The following CACUL1 variants were observed in gnomAD, a reference collection of about 807,000 sequenced individuals.
CACUL1 encodes CDK2 associated cullin domain 1, also known as CDK2-associated and cullin domain-containing protein 1.
CACUL1 carries 13 observed loss-of-function variants against 45.2 expected under a neutral mutation model. The ratio of observed to expected loss-of-function variants is 0.29; its 90% confidence interval spans 0.19 to 0.46. The LOEUF (loss-of-function observed/expected upper bound fraction) is 0.46. CACUL1 is among the 20% of genes least tolerant of loss of function. The pLI, the probability that CACUL1 is intolerant of heterozygous loss-of-function variation, is 1.00. For missense variants in CACUL1, 421 were observed against 471.4 expected (o/e 0.89, Z 0.99); for synonymous variants, 197 against 174.2 (o/e 1.13, Z -1.03).
At chr10:118,730,184 T>C in intron 2 of CACUL1, 100 bp downstream of exon 2, 2 of 1,230,310 alleles carry the variant, frequency 1.6e-6, no homozygotes, top group Non-Finnish European at 2.4e-6. Context: ...CAGAGCCTCA[T>C]CTTATGCATT....
chr10:118,740,911 G>A (rs1289363936), intron 1 of CACUL1, among the ~76,000 whole-genome samples: 1 of 149,684 alleles, frequency 6.7e-6, no homozygotes, highest in Non-Finnish European at 1.5e-5. Flanking sequence ...GGGCGACAGT[G>A]TGAGATTCCA....
intron 7 of CACUL1, among the ~76,000 whole-genome samples, chr10:118,687,065 A>G (rs1299101571): frequency 6.6e-6 from 1 of 151,894 alleles, no homozygotes; most frequent in Non-Finnish European, 1.5e-5. Flanking sequence ...CTGAAACACG[A>G]TTTTTTTCTC....
intron 5 of CACUL1, among the ~76,000 whole-genome samples, chr10:118,699,061 C>T (rs1390297256): frequency 2.6e-5 from 4 of 152,186 alleles, no homozygotes; most frequent in Admixed American, 2.6e-4. Flanking sequence ...CTATACCTAT[C>T]TTATAGGGTT....
chr10:118,709,613 T>G (rs1845465463), intron 3 of CACUL1, among the ~76,000 whole-genome samples: 2 of 152,250 alleles, frequency 1.3e-5, no homozygotes, highest in South Asian at 4.1e-4. Flanking sequence ...TTATCAATCA[T>G]ATCTTACACA....
chr10:118,722,080 C>CTTTT (rs11358147), intron 3 of CACUL1, among the ~76,000 whole-genome samples: 1 of 140,518 alleles, frequency 7.1e-6, no homozygotes, highest in African/African-American at 2.6e-5. Context: ...CAGAAACAAA[C>CTTTT]TTTTTTTTTT....
At chr10:118,750,222 A>T (rs1201211150) in intron 1 of CACUL1, among the ~76,000 whole-genome samples, 2 of 152,014 alleles carry the variant, frequency 1.3e-5, no homozygotes, top group Non-Finnish European at 2.9e-5. Context: ...GCTACTCAGG[A>T]GGCTGAGGCA....
At chr10:118,690,588 T>TA (rs769080506) in intron 7 of CACUL1, among the ~76,000 whole-genome samples, 29 of 152,172 alleles carry the variant, frequency 1.9e-4, no homozygotes, top group Non-Finnish European at 5.9e-5. Flanking sequence ...AAAGGGGAAG[T>TA]ATGAAATACA....
At position 118,686,049 on chromosome 10, in the gene CACUL1, CCCCA is replaced by C. The variant is rs1207098510; in HGVS notation, c.*75_*78del. Reference sequence around the variant, plus strand: ...GACAGAGCTCCTGAGTGTGTGCAGCCCCCACTGTGCTCTGAATACAGTCTCTGCA... The same window carrying C: ...GACAGAGCTCCTGAGTGTGTGCAGCCCTGTGCTCTGAATACAGTCTCTGCA... On this transcript the variant is annotated 3_prime_UTR_variant, in exon 9 of 9. Transcript: ENST00000369151. The C allele has an allele frequency of 9.8e-7, 1 of 1,023,358 alleles. No homozygotes were observed. Among genetic ancestry groups the C allele is most frequent in the African/African-American group, 1.6e-5 (1 of 63,232 alleles). The allele number at this position is 1,023,358 out of a possible 1,614,324, so 63.4% of individuals were successfully genotyped here.
chr10:118,720,972 G>A (rs1176445313), intron 3 of CACUL1, among the ~76,000 whole-genome samples: 2 of 152,218 alleles, frequency 1.3e-5, no homozygotes, highest in South Asian at 2.1e-4. Context: ...CACATGTAAA[G>A]GGCTATTTAC....
rs1439135031 is a variant in CACUL1, at chr10:118,681,435, A to G, written c.*4693T>C. On this transcript the variant is annotated 3_prime_UTR_variant, in exon 9 of 9. Coordinates refer to ENST00000369151, the MANE Select transcript of CACUL1 (RefSeq NM_153810.5). ...GAGTGAACTGCCATCTGTTTAACAAAACGCACTCTTCTAAGAGAATACCCA... is the reference window on the plus strand; with the variant it reads ...GAGTGAACTGCCATCTGTTTAACAAGACGCACTCTTCTAAGAGAATACCCA... The G allele has an allele frequency of 2.0e-5, 3 of 152,258 alleles. No individual in the cohort carries two copies. The highest frequency in any genetic ancestry group is 4.4e-5 in the Non-Finnish European group (3 of 68,048). 9.4% of individuals were successfully genotyped at this position (152,258 alleles called of 1,614,324 possible). A position where few individuals can be genotyped will look rare whatever the true frequency, so the allele number is the denominator to read the frequency against.
intron 1 of CACUL1, among the ~76,000 whole-genome samples, chr10:118,751,564 AT>A (rs1194138630): frequency 9.9e-5 from 15 of 151,954 alleles, no homozygotes; most frequent in African/African-American, 2.2e-4. Context: ...TCCTTGGTCT[AT>A]TTTTCTGTTC....
chr10:118,699,679 C>T (rs992400925), intron 5 of CACUL1, among the ~76,000 whole-genome samples: 3 of 151,290 alleles, frequency 2.0e-5, no homozygotes, highest in Non-Finnish European at 4.4e-5. Flanking sequence ...GAGTCTTGCT[C>T]TGTCGCCCAG....
At chr10:118,731,198 C>T (rs1406715232) in intron 1 of CACUL1, among the ~76,000 whole-genome samples, 1 of 152,158 alleles carries the variant, frequency 6.6e-6, no homozygotes, top group Non-Finnish European at 1.5e-5. Context: ...CCAGAAGAAC[C>T]TGCCTATATT....
chr10:118,738,825 C>G (rs1252086808), intron 1 of CACUL1, among the ~76,000 whole-genome samples: 2 of 143,190 alleles, frequency 1.4e-5, no homozygotes, highest in Non-Finnish European at 3.0e-5. Flanking sequence ...ACTATAATTA[C>G]TATCTTCAGA....
chr10:118,699,005 A>G (rs747556871), intron 5 of CACUL1, among the ~76,000 whole-genome samples: 3 of 152,180 alleles, frequency 2.0e-5, no homozygotes, highest in Non-Finnish European at 4.4e-5. Flanking sequence ...TTAAACTTTA[A>G]CCTCTCTTTG....
At chr10:118,749,370 T>A (rs1234394806) in intron 1 of CACUL1, among the ~76,000 whole-genome samples, 1 of 152,202 alleles carries the variant, frequency 6.6e-6, no homozygotes, top group East Asian at 1.9e-4. Flanking sequence ...TGGATCTCCC[T>A]CATGGTGGCT....
At chr10:118,714,952 T>C (rs1589609834) in intron 3 of CACUL1, among the ~76,000 whole-genome samples, 1 of 152,286 alleles carries the variant, frequency 6.6e-6, no homozygotes, top group African/African-American at 2.4e-5. Flanking sequence ...ACACACACTT[T>C]AGGAATATCT....
intron 1 of CACUL1, among the ~76,000 whole-genome samples, chr10:118,744,178 G>C (rs570304798): frequency 6.6e-6 from 1 of 152,316 alleles, no homozygotes; most frequent in East Asian, 1.9e-4. Flanking sequence ...CTGAGGTCAG[G>C]AGTTTGAGAC....
chr10:118,754,469 G>A lies in CACUL1; in HGVS notation c.294C>T (p.Ala98=), dbSNP rs778869087. ...IMMLKSCDAA[A]AVAKAAPAPT... is the part of the protein sequence containing the mutation. The stretch of plus-strand genomic sequence containing the variant: ...GGGCGGGGGCCGCCTTGGCCACGGC[G>A]GCGGCCGCGTCGCAGCTCTTCAACA... The change falls in exon 1 of 9, where the codon GCC becomes GCT. Residue 98 remains alanine (A), a synonymous_variant. Transcript: ENST00000369151. The A allele has an allele frequency of 1.1e-5, 18 of 1,608,090 alleles. No individual in the cohort carries two copies. Among genetic ancestry groups the A allele is most frequent in the African/African-American group, 2.7e-5 (2 of 74,672 alleles).
Sources: gnomAD v4.1 joint callset for allele counts (sites outside exome capture counted in the v4.1 genomes callset) on GRCh38, gnomAD v4.1.1 for gene constraint, MANE v1.5 for transcripts, NCBI Gene and HGNC (gene_info 2026-07-23, HGNC 2026-07-21) for gene names.